ENOX1: variants seen among roughly 807,000 people sequenced by gnomAD.
ENOX1 encodes the protein ecto-NOX disulfide-thiol exchanger 1.
ENOX1 carries 42 observed loss-of-function variants against 82.5 expected under a neutral mutation model. The ratio of observed to expected loss-of-function variants is 0.51; its 90% confidence interval spans 0.40 to 0.66. The LOEUF is 0.66. Ranked by LOEUF, ENOX1 falls within the 30% of genes least tolerant of loss-of-function variation. The pLI is 0.00. For missense variants in ENOX1, 608 were observed against 811.6 expected, an observed-to-expected ratio of 0.75 and a Z score of 3.05; for synonymous variants, 271 against 282.2, an observed-to-expected ratio of 0.96 and a Z score of 0.40.
chr13:43,731,716 G>A (rs991110823), intron 1 of ENOX1, among the ~76,000 whole-genome samples: 2 of 152,104 alleles, frequency 1.3e-5, no homozygotes, highest in African/African-American at 2.4e-5. Context: ...TCTCCCTCAC[G>A]AAATCACTGT....
At chr13:43,276,139 A>T (rs1006421582) in intron 12 of ENOX1, among the ~76,000 whole-genome samples, 2 of 152,196 alleles carry the variant, frequency 1.3e-5, no homozygotes, top group Admixed American at 1.3e-4. Context: ...ACTCAGTGGG[A>T]TAATCCTTTA....
intron 3 of ENOX1, among the ~76,000 whole-genome samples, chr13:43,475,343 G>A (rs747554550): frequency 3.3e-5 from 5 of 152,116 alleles, no homozygotes; most frequent in African/African-American, 4.8e-5. Flanking sequence ...AATAGGGAAC[G>A]TGTGCCAACA....
At chr13:43,497,843 G>A (rs1245129888) in intron 2 of ENOX1, among the ~76,000 whole-genome samples, 1 of 152,008 alleles carries the variant, frequency 6.6e-6, no homozygotes, top group Non-Finnish European at 1.5e-5. Context: ...ATTAGTGAAA[G>A]CATCTGGATC....
At chr13:43,497,503 A>C (rs1481463925) in intron 2 of ENOX1, among the ~76,000 whole-genome samples, 1 of 152,164 alleles carries the variant, frequency 6.6e-6, no homozygotes, top group African/African-American at 2.4e-5. Flanking sequence ...CTAGTAAGAT[A>C]ACCTTTTTTT....
intron 2 of ENOX1, among the ~76,000 whole-genome samples, chr13:43,581,411 C>T (rs1300984748): frequency 1.3e-5 from 2 of 152,034 alleles, no homozygotes. Flanking sequence ...GGATTACAGG[C>T]GTGAGCCACC....
chr13:43,682,623 T>A (rs1048310586), intron 1 of ENOX1, among the ~76,000 whole-genome samples: 13 of 151,886 alleles, frequency 8.6e-5, no homozygotes, highest in Admixed American at 4.6e-4. Flanking sequence ...ACAAAAAAAA[T>A]TGCAAAAATT....
intron 9 of ENOX1, 78 bp downstream of exon 9, chr13:43,344,460 C>G: frequency 8.3e-7 from 1 of 1,210,846 alleles, no homozygotes. Context: ...CTACTTACCC[C>G]CAAATGAAAA....
Position 43,715,724 on chromosome 13 carries a change from C to A in ENOX1, c.-284-48180G>T, listed in dbSNP as rs1053837381. ...GGCTTCATTTCATTCATTTCGTCTT[C>A]CATCACTGATACCCTTTCTTCCAGT... On this transcript the variant is annotated intron_variant, in intron 1 of 16. Transcript: ENST00000690772. 2.0e-5 allele frequency among the ~76,000 whole-genome samples: 3 copies of A among 152,194 alleles called. No homozygotes were observed. In the East Asian group the frequency reaches 5.8e-4, roughly 29 times the overall value.
At chr13:43,240,824 T>C (rs1201181323) in intron 14 of ENOX1, among the ~76,000 whole-genome samples, 1 of 152,250 alleles carries the variant, frequency 6.6e-6, no homozygotes, top group Non-Finnish European at 1.5e-5. Context: ...GGCCTTTCTC[T>C]GGTTTTGTTT....
intron 2 of ENOX1, among the ~76,000 whole-genome samples, chr13:43,616,925 A>AACAC (rs61106243): frequency 0.32 from 48,769 of 151,478 alleles, 9,481 homozygotes; most frequent in Non-Finnish European, 0.44. Flanking sequence ...AAAACAAGTA[A>AACAC]ACACACACAC....
intron 2 of ENOX1, among the ~76,000 whole-genome samples, chr13:43,487,925 T>C (rs932828939): frequency 5.9e-5 from 9 of 152,228 alleles, no homozygotes; most frequent in African/African-American, 1.9e-4. Flanking sequence ...ATTTCCCGCA[T>C]ATTCGGGACT....
At chr13:43,669,268 G>A (rs2085140092) in intron 1 of ENOX1, among the ~76,000 whole-genome samples, 1 of 152,148 alleles carries the variant, frequency 6.6e-6, no homozygotes, top group Non-Finnish European at 1.5e-5. Context: ...TGCCCTGCTG[G>A]GAGTAATTGA....
At chr13:43,618,252 AG>A (rs2082568809) in intron 2 of ENOX1, among the ~76,000 whole-genome samples, 1 of 152,140 alleles carries the variant, frequency 6.6e-6, no homozygotes, top group South Asian at 2.1e-4. Context: ...CAGTTTAATT[AG>A]GTCCCAGCTA....
chr13:43,757,745 T>C (rs1950734712), intron 1 of ENOX1, among the ~76,000 whole-genome samples: 1 of 152,184 alleles, frequency 6.6e-6, no homozygotes, highest in Non-Finnish European at 1.5e-5. Flanking sequence ...CGGAAAGCAT[T>C]TTAAAAGTTT....
intron 11 of ENOX1, among the ~76,000 whole-genome samples, chr13:43,305,672 C>T (rs1310701619): frequency 1.3e-5 from 2 of 152,232 alleles, no homozygotes; most frequent in Admixed American, 6.5e-5. Context: ...GGAGACTTCA[C>T]ATCATGCCTC....
At chr13:43,400,687 T>C (rs573822521) in intron 5 of ENOX1, among the ~76,000 whole-genome samples, 54 of 152,322 alleles carry the variant, frequency 3.5e-4, no homozygotes, top group African/African-American at 1.2e-3. Flanking sequence ...ATCTGCAGCA[T>C]TCAAGGACAA....
At chr13:43,459,722 G>A (rs141364442) in intron 3 of ENOX1, among the ~76,000 whole-genome samples, 3,107 of 152,200 alleles carry the variant, frequency 0.02, 118 homozygotes, top group African/African-American at 0.07. Context: ...TGCTGGGTGC[G>A]GTGGCTCCCA....
At chr13:43,266,636 G>C (rs1027615042) in intron 13 of ENOX1, among the ~76,000 whole-genome samples, 1 of 152,134 alleles carries the variant, frequency 6.6e-6, no homozygotes, top group African/African-American at 2.4e-5. Flanking sequence ...CAGACACAGG[G>C]GAGCATGGGC....
At position 43,670,851 on chromosome 13, in the gene ENOX1, A is replaced by AAACAAC. The variant is rs59254437; in HGVS notation, c.-284-3313_-284-3308dup. 5.4e-3 allele frequency among the ~76,000 whole-genome samples: 812 copies of AAACAAC among 150,314 alleles called. 5 individuals are homozygous for AAACAAC. The highest frequency in any genetic ancestry group is 0.018 in the East Asian group (88 of 5,024). ...GAGTGAGAGTCTATCTCAAACAACA[A>AAACAAC]AACAACAACAACAACAACAACAACA... is the stretch of plus-strand genomic sequence containing the variant. On this transcript the variant is annotated intron_variant, in intron 1 of 16. Transcript: ENST00000690772.
Sources: gnomAD v4.1 joint callset for allele counts (sites outside exome capture counted in the v4.1 genomes callset) on GRCh38, gnomAD v4.1.1 for gene constraint, MANE v1.5 for transcripts, NCBI Gene and HGNC (gene_info 2026-07-23, HGNC 2026-07-21) for gene names.